Variants in CNTNAP5 observed in about 807,000 individuals in gnomAD.
CNTNAP5 encodes contactin-associated protein-like 5.
CNTNAP5 carries 72 observed loss-of-function variants against 150.2 expected under a neutral mutation model. The observed-to-expected ratio is 0.48, with a 90% confidence interval of 0.40 to 0.58. The LOEUF (loss-of-function observed/expected upper bound fraction) is 0.58. Ranked by LOEUF, CNTNAP5 falls within the 20% of genes least tolerant of loss-of-function variation. CNTNAP5 has a pLI of 0.00. For missense variants in CNTNAP5, 1,636 were observed against 1,626.2 expected (o/e 1.01, Z -0.10); for synonymous variants, 672 against 619.8 (o/e 1.08, Z -1.25).
At chr2:124,248,870 C>T (rs529812010) in intron 3 of CNTNAP5, among the ~76,000 whole-genome samples, 1 of 152,240 alleles carries the variant, frequency 6.6e-6, no homozygotes, top group South Asian at 2.1e-4. Context: ...GGATAGGATC[C>T]AACAGCTGAT....
At chr2:124,074,153 T>C (rs1329771901) in intron 1 of CNTNAP5, among the ~76,000 whole-genome samples, 2 of 151,954 alleles carry the variant, frequency 1.3e-5, no homozygotes, top group South Asian at 4.1e-4. Flanking sequence ...ATTGAACTTA[T>C]GGATATAGAG....
chr2:124,033,992 G>A (rs558910640), intron 1 of CNTNAP5, among the ~76,000 whole-genome samples: 72 of 152,294 alleles, frequency 4.7e-4, no homozygotes, highest in Non-Finnish European at 9.3e-4. Flanking sequence ...AATCTGGAAG[G>A]AGAAAGAACA....
intron 2 of CNTNAP5, among the ~76,000 whole-genome samples, chr2:124,241,946 T>C (rs1350544930): frequency 6.6e-6 from 1 of 152,022 alleles, no homozygotes; most frequent in East Asian, 1.9e-4. Flanking sequence ...GAAGTCATAA[T>C]GACTAAGGAA....
At chr2:124,060,944 C>T (rs1168203441) in intron 1 of CNTNAP5, among the ~76,000 whole-genome samples, 2 of 152,182 alleles carry the variant, frequency 1.3e-5, no homozygotes, top group Non-Finnish European at 2.9e-5. Context: ...TGGATGGACT[C>T]AGCCAATGTC....
chr2:124,524,382 T>C lies in CNTNAP5; in HGVS notation c.1407T>C (p.Asp469=), dbSNP rs533995937. Residue 469 remains aspartate (D), a synonymous_variant, in exon 9 of 24, where the codon GAT becomes GAC. Coordinates refer to ENST00000682447, the MANE Select transcript of CNTNAP5 (RefSeq NM_001367498.1). ...RRNRITLTLD[D]EAAPPAPDST... ...ACCGCATCACGCTCACTCTGGATGA[T>C]GAAGCAGCACCCCCGGCTCCAGACA... is the stretch of plus-strand genomic sequence containing the variant. 2 of 1,613,754 alleles carry C rather than the reference T, an allele frequency of 1.2e-6. No homozygotes were observed. Among genetic ancestry groups the C allele is most frequent in the African/African-American group, 2.7e-5 (2 of 74,928 alleles).
At chr2:124,474,625 A>T in intron 6 of CNTNAP5, 114 bp from the exon 7 acceptor site, 1 of 774,436 alleles carries the variant, frequency 1.3e-6, no homozygotes, top group Non-Finnish European at 2.0e-6. Context: ...TAATTATTTG[A>T]GCCATTTGGC....
chr2:124,488,383 G>A (rs1053766880), intron 7 of CNTNAP5, among the ~76,000 whole-genome samples: 2 of 151,996 alleles, frequency 1.3e-5, no homozygotes, highest in African/African-American at 4.8e-5. Flanking sequence ...AGCTCTTTGT[G>A]GTTTCAGTTT....
intron 3 of CNTNAP5, among the ~76,000 whole-genome samples, chr2:124,298,124 C>A (rs1001792825): frequency 6.6e-6 from 1 of 152,042 alleles, no homozygotes; most frequent in African/African-American, 2.4e-5. Flanking sequence ...TATTTACTGG[C>A]ACTCCCTTCT....
intron 3 of CNTNAP5, among the ~76,000 whole-genome samples, chr2:124,271,248 TA>T (rs996862060): frequency 1.3e-4 from 19 of 148,654 alleles, no homozygotes; most frequent in East Asian, 5.9e-4. Context: ...GCACAGAATT[TA>T]AAAAAAAAAG....
intron 3 of CNTNAP5, among the ~76,000 whole-genome samples, chr2:124,338,241 G>A (rs921501298): frequency 2.0e-5 from 3 of 152,106 alleles, no homozygotes; most frequent in Admixed American, 1.3e-4. Flanking sequence ...TGCTGAAGTT[G>A]CTTATCAGCT....
At chr2:124,216,516 TCTCCTAATGCTATTCCTCCCAC>T (rs1254232586) in intron 1 of CNTNAP5, among the ~76,000 whole-genome samples, 2 of 152,096 alleles carry the variant, frequency 1.3e-5, no homozygotes, top group Non-Finnish European at 2.9e-5. Flanking sequence ...ATTAGGTATA[TCTCCTAATGCTATTCCTCCCAC>T]CTCCTCCCAC....
In CNTNAP5 at chr2:124,763,712, C is replaced by A. The variant is rs1293024758; in HGVS notation, c.2275C>A (p.Pro759Thr). ...TGFLSFKDHL[P>T]VTQIVITDTD... ...CTTTCTTTCCTTCAAAGACCACTTG[C>A]CTGTCACTCAGATAGTTATCACTGA... is the stretch of plus-strand genomic sequence containing the variant. Residue 759 changes from proline (P) to threonine (T), a missense_variant, in exon 15 of 24, where the codon CCT (proline) becomes ACT (threonine). Transcript: ENST00000682447. The A allele has an allele frequency of 6.2e-7, 1 of 1,612,738 alleles. No individual in the cohort carries two copies. The highest frequency in any genetic ancestry group is 8.5e-7 in the Non-Finnish European group (1 of 1,179,316).
intron 1 of CNTNAP5, among the ~76,000 whole-genome samples, chr2:124,108,940 A>C (rs1337957355): frequency 1.3e-5 from 2 of 152,140 alleles, no homozygotes; most frequent in Non-Finnish European, 2.9e-5. Context: ...CAATTCTAGT[A>C]AACCACAGCT....
intron 11 of CNTNAP5, among the ~76,000 whole-genome samples, chr2:124,563,939 G>A (rs1695950570): frequency 6.6e-6 from 1 of 152,168 alleles, no homozygotes; most frequent in Non-Finnish European, 1.5e-5. Flanking sequence ...AGCCACGTGG[G>A]CACACCCAAC....
rs577449044 is a variant in CNTNAP5 at position 124,842,028 on chromosome 2, G to A, written c.3218-23278G>A. 1.1e-4 allele frequency among the ~76,000 whole-genome samples: 16 copies of A among 152,200 alleles called. No homozygotes were observed. The South Asian group carries it at 3.3e-3, about 32-fold the overall frequency. ...AATATTAAAAAGTTTTAAGTGTCAT[G>A]CTCAAAAGCATCTATATTTAAAAGC... On this transcript the variant is annotated intron_variant, in intron 19 of 23. Transcript: ENST00000682447.
intron 3 of CNTNAP5, among the ~76,000 whole-genome samples, chr2:124,347,347 A>G (rs1689762406): frequency 6.6e-6 from 1 of 152,108 alleles, no homozygotes; most frequent in Admixed American, 6.5e-5. Flanking sequence ...AGAGCGTGAC[A>G]GAGTCTGGGA....
chr2:124,468,664 A>G (rs1558915982), intron 6 of CNTNAP5, among the ~76,000 whole-genome samples: 1 of 152,168 alleles, frequency 6.6e-6, no homozygotes, highest in Non-Finnish European at 1.5e-5. Flanking sequence ...TTGGCACTTA[A>G]TACTAACCAT....
intron 13 of CNTNAP5, among the ~76,000 whole-genome samples, chr2:124,713,265 CTTTCTT>C (rs1558746701): frequency 1.9e-5 from 2 of 104,044 alleles, no homozygotes; most frequent in African/African-American, 3.2e-5. Context: ...TTCTTTCTTT[CTTTCTT>C]TCTTTCTTTC....
rs536099462 is a variant in CNTNAP5, at chr2:124,393,778, T to C, written c.382-23665T>C. On this transcript the variant is annotated intron_variant, in intron 3 of 23. Coordinates refer to ENST00000682447, the MANE Select transcript of CNTNAP5 (RefSeq NM_001367498.1). ...CTCAGGCTTTCTCTGGGACATCTCA[T>C]TGTGTCAGGCTGCACCTCACCTGAA... Among the ~76,000 whole-genome samples the C allele has an allele frequency of 3.3e-5, 5 of 152,312 alleles. No individual in the cohort carries two copies. In the South Asian group the frequency reaches 6.2e-4, roughly 19 times the overall value.
Sources: gnomAD v4.1 joint callset for allele counts (sites outside exome capture counted in the v4.1 genomes callset) on GRCh38, gnomAD v4.1.1 for gene constraint, MANE v1.5 for transcripts, NCBI Gene and HGNC (gene_info 2026-07-23, HGNC 2026-07-21) for gene names.